The following SRC variants were observed in gnomAD, a reference collection of about 807,000 sequenced individuals.
SRC encodes proto-oncogene tyrosine-protein kinase Src.
A neutral mutation model predicts 62.9 loss-of-function variants in SRC; 13 were observed. The ratio of observed to expected loss-of-function variants is 0.21; its 90% CI spans 0.13 to 0.33. SRC has a LOEUF of 0.33. Among genes scored for constraint, SRC ranks in the 10% least tolerant of loss-of-function variants. The pLI is 1.00. For missense variants in SRC, 457 were observed against 737.3 expected (o/e 0.62, Z 4.40); for synonymous variants, 302 against 317.5 (o/e 0.95, Z 0.52).
At position 37,397,124 on chromosome 20, in the gene SRC, C is replaced by T. The variant is rs2070665437; in HGVS notation, c.704-575C>T. ...CTAATCCTAACTGCCTCCCCACCTCCGCCTGGTGCCACCCTTCCCCACCTG... is the reference window on the plus strand; with the variant it reads ...CTAATCCTAACTGCCTCCCCACCTCTGCCTGGTGCCACCCTTCCCCACCTG... On this transcript the variant is annotated intron_variant, in intron 8 of 13. Transcript: ENST00000373578. The surrounding 1 kb of genome is among the most constrained non-coding windows in gnomAD (Gnocchi z 4.1). Among the ~76,000 whole-genome samples the T allele has an allele frequency of 6.6e-6, 1 of 152,188 alleles. No homozygotes were observed. The highest frequency in any genetic ancestry group is 2.4e-5 in the African/African-American group (1 of 41,444).
intron 1 of SRC, among the ~76,000 whole-genome samples, chr20:37,348,198 C>A (rs1160805360): frequency 6.6e-6 from 1 of 152,184 alleles, no homozygotes; most frequent in Non-Finnish European, 1.5e-5. Flanking sequence ...GAGGAAGGCC[C>A]GTGGCTCTCT....
chr20:37,363,023 C>T (rs558530655), intron 1 of SRC, among the ~76,000 whole-genome samples: 1 of 152,326 alleles, frequency 6.6e-6, no homozygotes, highest in African/African-American at 2.4e-5. Context: ...TCACACTCCC[C>T]ACCCTCTCTT....
chr20:37,348,109 C>T (rs2069749903), intron 1 of SRC, among the ~76,000 whole-genome samples: 1 of 152,220 alleles, frequency 6.6e-6, no homozygotes, highest in Non-Finnish European at 1.5e-5. Context: ...AACTGTGTCC[C>T]TCCCAGAGTG....
chr20:37,370,452 G>A (rs1468103101), intron 2 of SRC, among the ~76,000 whole-genome samples: 3 of 152,288 alleles, frequency 2.0e-5, no homozygotes, highest in African/African-American at 7.2e-5. Context: ...GCAGGCACCT[G>A]TAATCCCAGC....
At chr20:37,389,251 G>A (rs117077500) in intron 5 of SRC, among the ~76,000 whole-genome samples, 1,767 of 152,262 alleles carry the variant, frequency 0.012, 14 homozygotes, top group Non-Finnish European at 0.016. Flanking sequence ...AGTCTCAGGA[G>A]TCAGGGCCCC....
At chr20:37,380,305 G>A (rs114539812) in intron 2 of SRC, among the ~76,000 whole-genome samples, 3,294 of 152,230 alleles carry the variant, frequency 0.022, 133 homozygotes, top group African/African-American at 0.075. Flanking sequence ...GTGAGTTTCA[G>A]CCCCTGATTC....
rs1236353148 is a variant in SRC, at chr20:37,404,359, A to T, written c.*980A>T. ...AGAGGCTTCAATCGGCTTGTGGGTGATGTTTGACCTTCAGAGCCAGCCGGC... is the reference window on the plus strand; with the variant it reads ...AGAGGCTTCAATCGGCTTGTGGGTGTTGTTTGACCTTCAGAGCCAGCCGGC... On this transcript the variant is annotated 3_prime_UTR_variant, in exon 14 of 14. Transcript: ENST00000373578. 4.3e-6 allele frequency: 1 copy of T among 233,386 alleles called. No homozygotes were observed. Among genetic ancestry groups the T allele is most frequent in the African/African-American group, 2.2e-5 (1 of 45,320 alleles). 14.5% of individuals were successfully genotyped at this position (233,386 alleles called of 1,614,324 possible).
At chr20:37,381,231 T>C (rs1031644332) in intron 2 of SRC, among the ~76,000 whole-genome samples, 2 of 152,216 alleles carry the variant, frequency 1.3e-5, no homozygotes, top group South Asian at 2.1e-4. Context: ...GTCCCTGTTA[T>C]GCTTTTTCTG....
chr20:37,358,836 G>T, intron 1 of SRC, among the ~76,000 whole-genome samples: 1 of 152,344 alleles, frequency 6.6e-6, no homozygotes, highest in East Asian at 1.9e-4. Flanking sequence ...TGTCCGCCCC[G>T]GCCTGCCGTC....
intron 5 of SRC, 198 bp from the exon 6 acceptor site, chr20:37,393,697 G>C: frequency 1.8e-6 from 1 of 565,308 alleles, no homozygotes; most frequent in Admixed American, 3.0e-5. Flanking sequence ...TTGGCAAAAA[G>C]GCGTCTGCGC....
At position 37,402,315 on chromosome 20, in the gene SRC, G is replaced by A; in HGVS notation, c.1117-120G>A. On this transcript the variant is annotated intron_variant, in intron 11 of 13. Coordinates refer to ENST00000373578, the MANE Select transcript of SRC (RefSeq NM_198291.3). The surrounding 1 kb of genome is among the most constrained non-coding windows in gnomAD (Gnocchi z 6.2). ...CATTTACTGTGAACTGACCTCACTT[G>A]CCTGAAGAAGTGTGGGGAGGGTGGG... is the stretch of plus-strand genomic sequence containing the variant. 1 of 1,261,088 alleles carries A rather than the reference G, an allele frequency of 7.9e-7. No homozygotes were observed. 78.1% of individuals were successfully genotyped at this position (1,261,088 alleles called of 1,614,324 possible).
chr20:37,403,277 G>T lies in SRC; in HGVS notation c.1509G>T (p.Arg503=). The change falls in exon 14 of 14, where the codon CGG becomes CGT. Residue 503 remains arginine (R), a synonymous_variant. Coordinates refer to ENST00000373578, the MANE Select transcript of SRC (RefSeq NM_198291.3). The surrounding 1 kb of genome is among the most constrained non-coding windows in gnomAD (Gnocchi z 7.1). The part of the protein sequence containing the change: ...SLHDLMCQCW[R]KEPEERPTFE... ...ACGACCTCATGTGCCAGTGCTGGCG[G>T]AAGGAGCCTGAGGAGCGGCCCACCT... 6.3e-7 allele frequency: 1 copy of T among 1,599,500 alleles called. No individual in the cohort carries two copies. Among genetic ancestry groups the T allele is most frequent in the Non-Finnish European group, 8.5e-7 (1 of 1,173,738 alleles).
chr20:37,402,954 C>T lies in SRC; in HGVS notation c.1402+74C>T. The stretch of plus-strand genomic sequence containing the variant: ...TGGTGGCCTTGGGCAAGTCATGACT[C>T]CTGCTGGGCCTGTTTCCCCACCCGT... On this transcript the variant is annotated intron_variant, in intron 13 of 13. Coordinates refer to ENST00000373578, the MANE Select transcript of SRC (RefSeq NM_198291.3). The surrounding 1 kb of genome is among the most constrained non-coding windows in gnomAD (Gnocchi z 6.2). The T allele has an allele frequency of 4.6e-6, 7 of 1,526,868 alleles. No individual in the cohort carries two copies. The highest frequency in any genetic ancestry group is 6.2e-6 in the Non-Finnish European group (7 of 1,137,850). 94.6% of individuals were successfully genotyped at this position (1,526,868 alleles called of 1,614,324 possible). A position where few individuals can be genotyped will look rare whatever the true frequency, so the allele number is the denominator to read the frequency against.
At chr20:37,356,475 C>A (rs367562516) in intron 1 of SRC, among the ~76,000 whole-genome samples, 1 of 151,392 alleles carries the variant, frequency 6.6e-6, no homozygotes, top group Non-Finnish European at 1.5e-5. Flanking sequence ...GAGAAGCAGG[C>A]ACTGGCAGGG....
intron 5 of SRC, 128 bp downstream of exon 5, chr20:37,386,302 A>G (rs2070454643): frequency 5.3e-6 from 5 of 945,494 alleles, no homozygotes; most frequent in East Asian, 2.4e-5. Context: ...AGCCCAGGGC[A>G]GTGTGGAGGC....
At chr20:37,386,197 C>A (rs1331236093) in intron 5 of SRC, 23 bp downstream of exon 5, 12 of 1,607,562 alleles carry the variant, frequency 7.5e-6, no homozygotes, top group Admixed American at 1.7e-5. Context: ...TTCCCTATTG[C>A]CCCTCAGGGC....
At chr20:37,385,724 A>G (rs1206695014) in intron 4 of SRC, among the ~76,000 whole-genome samples, 2 of 152,136 alleles carry the variant, frequency 1.3e-5, no homozygotes, top group Non-Finnish European at 2.9e-5. Flanking sequence ...AGCACCTACT[A>G]TGTGCCTGGC....
rs1341125779 is a variant in SRC, at chr20:37,404,521, T to TC, written c.*1146dup. ...ATTTCAATTCCTGGCCCTGTTCTCC[T>TC]CCCCAAGTCGGCACCCTTTAACTCA... On this transcript the variant is annotated 3_prime_UTR_variant, in exon 14 of 14. Transcript: ENST00000373578. 1.3e-5 allele frequency: 3 copies of TC among 233,518 alleles called. No individual in the cohort carries two copies. The highest frequency in any genetic ancestry group is 1.7e-5 in the Non-Finnish European group (2 of 118,016). The allele number at this position is 233,518 out of a possible 1,614,324, so 14.5% of individuals were successfully genotyped here.
In SRC at chr20:37,405,425, C is replaced by A. The variant is rs996767697; in HGVS notation, c.*2046C>A. 5.0e-6 allele frequency: 1 copy of A among 200,512 alleles called. No homozygotes were observed. The highest frequency in any genetic ancestry group is 1.0e-5 in the Non-Finnish European group (1 of 97,286). The allele number at this position is 200,512 out of a possible 1,614,324, so 12.4% of individuals were successfully genotyped here. ...ACACAAACAGACCTCAGAATCTGATCAACAGTTTATTGAACATCTACTGTG... is the reference window on the plus strand; with the variant it reads ...ACACAAACAGACCTCAGAATCTGATAAACAGTTTATTGAACATCTACTGTG... On this transcript the variant is annotated 3_prime_UTR_variant, in exon 14 of 14. Coordinates refer to ENST00000373578, the MANE Select transcript of SRC (RefSeq NM_198291.3).
Sources: gnomAD v4.1 joint callset for allele counts (sites outside exome capture counted in the v4.1 genomes callset) on GRCh38, gnomAD v4.1.1 for gene constraint, Gnocchi (gnomAD v3.1) non-coding constraint, MANE v1.5 for transcripts, NCBI Gene and HGNC (gene_info 2026-07-23, HGNC 2026-07-21) for gene names.